MYO18A: variants seen among roughly 807,000 people sequenced by gnomAD.
MYO18A encodes the protein myosin XVIIIA, also known as unconventional myosin-XVIIIa.
MYO18A carries 78 observed loss-of-function variants against 235.8 expected under a neutral mutation model. The observed-to-expected ratio is 0.33, with a 90% CI of 0.28 to 0.40. The LOEUF (loss-of-function observed/expected upper bound fraction) is 0.40, where lower values mean the gene tolerates loss of function less well. MYO18A is among the 10% of genes least tolerant of loss of function. The pLI, the probability that MYO18A is intolerant of heterozygous loss-of-function variation, is 1.00. For synonymous variants in MYO18A, 977 were observed against 1,077.8 expected (o/e 0.91, Z 1.83); for missense variants, 2,215 against 2,699.3 (o/e 0.82, Z 3.98).
At chr17:29,135,319 G>T (rs2067571853) in intron 2 of MYO18A, among the ~76,000 whole-genome samples, 1 of 151,994 alleles carries the variant, frequency 6.6e-6, no homozygotes, top group South Asian at 2.1e-4. Context: ...AGCCAGGATG[G>T]TCTTCATCTC....
chr17:29,141,577 C>G (rs564591796), intron 2 of MYO18A, among the ~76,000 whole-genome samples: 3 of 152,334 alleles, frequency 2.0e-5, no homozygotes, highest in Admixed American at 6.5e-5. Context: ...CTGACTTTCT[C>G]CATGAAAAGA....
chr17:29,075,712 TC>T (rs2065957264), intron 41 of MYO18A: 1 of 160,872 alleles, frequency 6.2e-6, no homozygotes, highest in Non-Finnish European at 1.5e-5. Context: ...ATCTCACAGC[TC>T]CATTCACCTT....
At chr17:29,144,739 C>T (rs1173848239) in intron 2 of MYO18A, among the ~76,000 whole-genome samples, 1 of 152,138 alleles carries the variant, frequency 6.6e-6, no homozygotes, top group East Asian at 1.9e-4. Context: ...CTGTCCACAC[C>T]TGAACACATT....
Position 29,120,827 on chromosome 17 carries a change from C to T in MYO18A, c.1586-69G>A. The T allele has an allele frequency of 1.3e-6, 2 of 1,580,764 alleles. No homozygotes were observed. The highest frequency in any genetic ancestry group is 1.7e-6 in the Non-Finnish European group (2 of 1,162,070). On this transcript the variant is annotated intron_variant, in intron 6 of 41. Transcript: ENST00000527372. This position sits in a 1 kb window ranked among gnomAD's most constrained non-coding sequence, Gnocchi z 4.2. ...AGCTTATCCCCCAGCTAGGAGCTACCCCAGAGGTATGAAGGCTTGGGGCCA... is the reference window on the plus strand; with the variant it reads ...AGCTTATCCCCCAGCTAGGAGCTACTCCAGAGGTATGAAGGCTTGGGGCCA...
intron 2 of MYO18A, among the ~76,000 whole-genome samples, chr17:29,159,798 C>G (rs906381400): frequency 2.0e-5 from 3 of 152,200 alleles, no homozygotes; most frequent in Non-Finnish European, 4.4e-5. Context: ...GCTTCCCCTA[C>G]AGCAAAAGGG....
In MYO18A at chr17:29,110,104, GC is replaced by G; in HGVS notation, c.3088-4del. On this transcript the variant is annotated splice_polypyrimidine_tract_variant and splice_region_variant and intron_variant, in intron 18 of 41. Transcript: ENST00000527372. ...TTGATGGTGTCGATGAGGGCGTCCTGCCGAGGGGAAGAGACTGCCCTCAGTG... is the reference window on the plus strand; with the variant it reads ...TTGATGGTGTCGATGAGGGCGTCCTGCGAGGGGAAGAGACTGCCCTCAGTG... The G allele has an allele frequency of 1.2e-6, 2 of 1,608,604 alleles. No homozygotes were observed. Among genetic ancestry groups the G allele is most frequent in the Non-Finnish European group, 8.5e-7 (1 of 1,179,240 alleles).
Position 29,140,564 on chromosome 17 carries a change from T to C in MYO18A, c.1000-18311A>G, listed in dbSNP as rs769486954. 2 of 381,700 alleles carry C rather than the reference T, an allele frequency of 5.2e-6. No individual in the cohort carries two copies. The highest frequency in any genetic ancestry group is 8.2e-6 in the Non-Finnish European group (2 of 242,688). The allele number at this position is 381,700 out of a possible 1,614,324, so 23.6% of individuals were successfully genotyped here. On this transcript the variant is annotated intron_variant, in intron 2 of 41. Coordinates refer to ENST00000527372, the MANE Select transcript of MYO18A (RefSeq NM_078471.4). This position sits in a 1 kb window ranked among gnomAD's most constrained non-coding sequence, Gnocchi z 4.2. ...GGAGAGGGTGATACAGCAGTGTGTG[T>C]GGAAGGGAAGGAGAAGGCTCTTAGG...
rs567914699 is a variant in MYO18A at position 29,126,319 on chromosome 17, G to A, written c.1000-4066C>T. Among the ~76,000 whole-genome samples, 143 of 151,418 alleles carry A rather than the reference G, an allele frequency of 9.4e-4. No homozygotes were observed. Among genetic ancestry groups the A allele is most frequent in the Non-Finnish European group, 1.6e-3 (108 of 67,810 alleles). ...GTGAGAGGAGGAGGGACGGGGAGGA[G>A]GGACGGGGAGGAGGGAGGGGAGGGC... On this transcript the variant is annotated intron_variant, in intron 2 of 41. Coordinates refer to ENST00000527372, the MANE Select transcript of MYO18A (RefSeq NM_078471.4). The surrounding 1 kb of genome is among the most constrained non-coding windows in gnomAD (Gnocchi z 4.1).
At position 29,120,723 on chromosome 17, in the gene MYO18A, C is replaced by A; in HGVS notation, c.1621G>T (p.Ala541Ser). ...KWQALYTLLE[A>S]FGNSPTIING... Reference sequence around the variant, plus strand: ...ATGATGGTGGGGCTGTTCCCAAAGGCTTCCAGGAGGGTGTACAGAGCCTGC... The same window carrying A: ...ATGATGGTGGGGCTGTTCCCAAAGGATTCCAGGAGGGTGTACAGAGCCTGC... The change falls in exon 7 of 42, where the codon GCC becomes TCC. Residue 541 changes from alanine to serine, a missense_variant. Coordinates refer to ENST00000527372, the MANE Select transcript of MYO18A (RefSeq NM_078471.4). This position sits in a 1 kb window ranked among gnomAD's most constrained non-coding sequence, Gnocchi z 4.2. 2 of 1,613,910 alleles carry A rather than the reference C, an allele frequency of 1.2e-6. No individual in the cohort carries two copies. Among genetic ancestry groups the A allele is most frequent in the Non-Finnish European group, 1.7e-6 (2 of 1,179,846 alleles).
chr17:29,095,133 G>A (rs1174092694), intron 28 of MYO18A, 74 bp from the exon 29 acceptor site: 2 of 1,465,236 alleles, frequency 1.4e-6, no homozygotes. Flanking sequence ...TCAGGAGGTG[G>A]TGCCATGGAC....
chr17:29,165,594 C>T, intron 2 of MYO18A: 1 of 250,922 alleles, frequency 4.0e-6, no homozygotes, highest in Admixed American at 5.0e-5. Flanking sequence ...TGAGGCCTGG[C>T]CAAACTGCTC....
intron 2 of MYO18A, among the ~76,000 whole-genome samples, chr17:29,161,226 G>A (rs2068165130): frequency 6.6e-6 from 1 of 151,994 alleles, no homozygotes. Flanking sequence ...GTGGTGGCAG[G>A]CACCTGTAAT....
In MYO18A at chr17:29,094,972, G is replaced by A. The variant is rs755338447; in HGVS notation, c.4473C>T (p.Leu1491=). The A allele has an allele frequency of 1.9e-6, 3 of 1,608,030 alleles. No homozygotes were observed. The Admixed American group carries it at 5.1e-5, about 27-fold the overall frequency. The change falls in exon 29 of 42, where the codon CTC becomes CTT. Residue 1491 remains leucine (L), a synonymous_variant. Coordinates refer to ENST00000527372, the MANE Select transcript of MYO18A (RefSeq NM_078471.4). ...REKLQREKDM[L]LAEAFSLKQQ... is the part of the protein sequence containing the mutation. ...GCTTCAGGCTGAAAGCCTCAGCGAG[G>A]AGCATGTCCTTCTCCCGCTGCAGCT...
Position 29,118,496 on chromosome 17 carries a change from T to C in MYO18A, c.1830-56A>G. On this transcript the variant is annotated intron_variant, in intron 8 of 41. Transcript: ENST00000527372. The surrounding 1 kb of genome is among the most constrained non-coding windows in gnomAD (Gnocchi z 4.2). ...ACTTGGTCCCCATGCCAAGGCCATT[T>C]CCGCCCAGGGTGGAGACAGACAGAC... 6.6e-7 allele frequency: 1 copy of C among 1,509,138 alleles called. No homozygotes were observed. The highest frequency in any genetic ancestry group is 9.1e-7 in the Non-Finnish European group (1 of 1,097,540). 93.5% of individuals were successfully genotyped at this position (1,509,138 alleles called of 1,614,324 possible).
chr17:29,086,402 G>A (rs770236234), intron 39 of MYO18A, 36 bp downstream of exon 39: 9 of 1,564,276 alleles, frequency 5.8e-6, no homozygotes, highest in Middle Eastern at 2.0e-4. Context: ...GAGGGCCTCC[G>A]TGCTAGCTGC....
intron 1 of MYO18A, among the ~76,000 whole-genome samples, chr17:29,173,383 C>A (rs2068449880): frequency 1.3e-5 from 2 of 149,124 alleles, no homozygotes; most frequent in South Asian, 2.1e-4. Context: ...TGAGCCACTG[C>A]GCCCGGCCCT....
In MYO18A at chr17:29,166,748, G is replaced by A. The variant is rs2068294024; in HGVS notation, c.193C>T (p.Pro65Ser). 2 of 1,613,882 alleles carry A rather than the reference G, an allele frequency of 1.2e-6. No individual in the cohort carries two copies. Among genetic ancestry groups the A allele is most frequent in the South Asian group, 1.1e-5 (1 of 91,074 alleles). The part of the protein sequence containing the change: ...ESKTRLEISN[P>S]IPIKVASGSD... ...CCGCTGGCCACCTTGATGGGGATGG[G>A]GTTGGAGATTTCCAGGCGCGTCTTG... Residue 65 changes from proline to serine, a missense_variant, in exon 2 of 42, where the codon CCC (proline) becomes TCC (serine). Coordinates refer to ENST00000527372, the MANE Select transcript of MYO18A (RefSeq NM_078471.4).
At chr17:29,090,995 A>C in intron 34 of MYO18A, 69 bp from the exon 35 acceptor site, 6 of 1,225,772 alleles carry the variant, frequency 4.9e-6, no homozygotes, top group Non-Finnish European at 7.1e-6. Context: ...GCTGCCTCCA[A>C]TGGCAGGGGC....
chr17:29,126,059 G>A lies in MYO18A; in HGVS notation c.1000-3806C>T, dbSNP rs1189836605. The A allele has an allele frequency of 9.0e-6, 6 of 666,086 alleles. No homozygotes were observed. The Admixed American group carries it at 3.8e-4, about 42-fold the overall frequency. 41.3% of individuals were successfully genotyped at this position (666,086 alleles called of 1,614,324 possible). The stretch of plus-strand genomic sequence containing the variant: ...CCCAGGAAGCCACTGGGACCCACTA[G>A]GGAAGGGGAGCAGCGCCAGGGAGCA... On this transcript the variant is annotated intron_variant, in intron 2 of 41. Transcript: ENST00000527372. This position sits in a 1 kb window ranked among gnomAD's most constrained non-coding sequence, Gnocchi z 4.1.
Sources: allele counts gnomAD v4.1 joint callset (sites outside exome capture counted in the v4.1 genomes callset), GRCh38; gene constraint gnomAD v4.1.1; non-coding constraint Gnocchi (gnomAD v3.1); transcripts MANE v1.5; gene names NCBI Gene and HGNC (gene_info 2026-07-23, HGNC 2026-07-21).